Variants in SSBP2 observed in about 807,000 individuals in gnomAD.
SSBP2 encodes the protein single-stranded DNA-binding protein 2.
A neutral mutation model predicts 61.8 loss-of-function variants in SSBP2; 17 were observed. The ratio of observed to expected loss-of-function variants is 0.28; its 90% CI spans 0.19 to 0.41. The LOEUF (loss-of-function observed/expected upper bound fraction) is 0.41, where lower values mean the gene tolerates loss of function less well. SSBP2 is among the 10% of genes least tolerant of loss of function. The pLI, the probability that SSBP2 is intolerant of heterozygous loss-of-function variation, is 1.00. For missense variants in SSBP2, 310 were observed against 458.7 expected, an observed-to-expected ratio of 0.68 and a Z score of 2.96; for synonymous variants, 139 against 141.3, an observed-to-expected ratio of 0.98 and a Z score of 0.12.
intron 4 of SSBP2, among the ~76,000 whole-genome samples, chr5:81,597,846 C>T (rs1279760809): frequency 2.7e-5 from 3 of 112,638 alleles, no homozygotes; most frequent in African/African-American, 3.6e-5. Flanking sequence ...CATCACAAAC[C>T]AGGGACTGTT....
chr5:81,740,943 A>G (rs192956957), intron 1 of SSBP2, among the ~76,000 whole-genome samples: 82 of 152,238 alleles, frequency 5.4e-4, no homozygotes, highest in Middle Eastern at 6.8e-3. Flanking sequence ...TCCCACCCCA[A>G]CTAAAAATGA....
chr5:81,437,739 T>G (rs1762761864), intron 14 of SSBP2: 1 of 225,814 alleles, frequency 4.4e-6, no homozygotes, highest in Non-Finnish European at 8.7e-6. Context: ...TGTGAAATTT[T>G]AGAAAGACCA....
chr5:81,635,050 C>T (rs1748075172), intron 3 of SSBP2, among the ~76,000 whole-genome samples: 2 of 152,158 alleles, frequency 1.3e-5, no homozygotes, highest in African/African-American at 4.8e-5. Flanking sequence ...TAGTATCTGG[C>T]CCATACAAGA....
rs187364075 is a variant in SSBP2, at chr5:81,715,079, G to A, written c.62+35902C>T. Among the ~76,000 whole-genome samples the A allele has an allele frequency of 3.4e-3, 521 of 151,866 alleles. 2 individuals are homozygous for A. Among genetic ancestry groups the A allele is most frequent in the Middle Eastern group, 6.8e-3 (2 of 294 alleles). The stretch of plus-strand genomic sequence containing the variant: ...TAAGAGAAAAGATAATAATTAGAGG[G>A]GCAATCCATATTCCTACTACATCAA... On this transcript the variant is annotated intron_variant, in intron 1 of 16. Coordinates refer to ENST00000320672, the MANE Select transcript of SSBP2 (RefSeq NM_012446.5).
At chr5:81,425,134 T>C (rs1265528326) in intron 16 of SSBP2, among the ~76,000 whole-genome samples, 1 of 152,238 alleles carries the variant, frequency 6.6e-6, no homozygotes, top group Non-Finnish European at 1.5e-5. Context: ...TATGAACTTG[T>C]GATTTTTTCC....
intron 16 of SSBP2, among the ~76,000 whole-genome samples, chr5:81,426,470 T>C (rs1340074819): frequency 6.6e-6 from 1 of 152,202 alleles, no homozygotes; most frequent in East Asian, 1.9e-4. Flanking sequence ...AACTTCTGTT[T>C]GCTGTTAACT....
chr5:81,721,632 G>A (rs1349162772), intron 1 of SSBP2, among the ~76,000 whole-genome samples: 1 of 151,948 alleles, frequency 6.6e-6, no homozygotes, highest in African/African-American at 2.4e-5. Flanking sequence ...ACAAAAACTA[G>A]GCAGCCATGA....
chr5:81,682,381 T>C (rs1291359249), intron 1 of SSBP2, among the ~76,000 whole-genome samples: 1 of 152,114 alleles, frequency 6.6e-6, no homozygotes, highest in Non-Finnish European at 1.5e-5. Context: ...TGGTTCAACA[T>C]TCAAAAATCA....
At chr5:81,594,472 C>T (rs1171125166) in intron 4 of SSBP2, among the ~76,000 whole-genome samples, 2 of 152,178 alleles carry the variant, frequency 1.3e-5, no homozygotes, top group African/African-American at 4.8e-5. Flanking sequence ...GAATTGAACT[C>T]ACCTCTGCAC....
At chr5:81,541,355 T>C (rs890588486) in intron 4 of SSBP2, among the ~76,000 whole-genome samples, 6 of 152,160 alleles carry the variant, frequency 3.9e-5, no homozygotes, top group African/African-American at 1.2e-4. Context: ...TAAGGCACTC[T>C]ATAGATTCAA....
chr5:81,425,820 T>G (rs1329756011), intron 16 of SSBP2, among the ~76,000 whole-genome samples: 1 of 152,190 alleles, frequency 6.6e-6, no homozygotes, highest in East Asian at 1.9e-4. Flanking sequence ...GGGCTGGGCA[T>G]TTTTGTTTCT....
chr5:81,691,571 A>C (rs1753203023), intron 1 of SSBP2, among the ~76,000 whole-genome samples: 1 of 151,984 alleles, frequency 6.6e-6, no homozygotes, highest in Non-Finnish European at 1.5e-5. Context: ...AATAAAAAAA[A>C]AAACTCCCAG....
chr5:81,583,498 C>T (rs1404994916), intron 4 of SSBP2, among the ~76,000 whole-genome samples: 2 of 151,992 alleles, frequency 1.3e-5, no homozygotes, highest in East Asian at 3.9e-4. Context: ...GGCATGGTGG[C>T]AGGCGCCTGT....
intron 2 of SSBP2, among the ~76,000 whole-genome samples, chr5:81,639,654 TGCCTTAGTTTTTTTA>T (rs1351610191): frequency 2.0e-5 from 3 of 151,816 alleles, no homozygotes; most frequent in African/African-American, 7.3e-5. Context: ...CATAAGTATA[TGCCTTAGTTTTTTTA>T]GCTTAAATCA....
At chr5:81,463,896 G>T (rs1288117287) in intron 9 of SSBP2, among the ~76,000 whole-genome samples, 1 of 149,064 alleles carries the variant, frequency 6.7e-6, no homozygotes, top group Non-Finnish European at 1.5e-5. Flanking sequence ...AGTCTCTCAA[G>T]AAGCTGGGAT....
intron 1 of SSBP2, among the ~76,000 whole-genome samples, chr5:81,725,594 TACAG>T (rs1315303529): frequency 2.6e-5 from 4 of 152,278 alleles, no homozygotes; most frequent in East Asian, 3.9e-4. Context: ...AGCAGAATAT[TACAG>T]ACAAACTAGG....
At chr5:81,430,244 T>G (rs1762203087) in intron 15 of SSBP2, among the ~76,000 whole-genome samples, 2 of 152,182 alleles carry the variant, frequency 1.3e-5, no homozygotes, top group Admixed American at 1.3e-4. Flanking sequence ...TACTTATAAT[T>G]TATAAATTCT....
At chr5:81,629,472 G>A (rs916336890) in intron 3 of SSBP2, among the ~76,000 whole-genome samples, 1 of 152,116 alleles carries the variant, frequency 6.6e-6, no homozygotes, top group Admixed American at 6.5e-5. Flanking sequence ...ACCTATAGAT[G>A]AACTGGTCCA....
At chr5:81,703,177 T>C (rs760596005) in intron 1 of SSBP2, among the ~76,000 whole-genome samples, 1 of 152,354 alleles carries the variant, frequency 6.6e-6, no homozygotes. Flanking sequence ...AGTGTTTACA[T>C]AGCCTTTTCT....
Sources: allele counts gnomAD v4.1 joint callset (sites outside exome capture counted in the v4.1 genomes callset), GRCh38; gene constraint gnomAD v4.1.1; transcripts MANE v1.5; gene names NCBI Gene and HGNC (gene_info 2026-07-23, HGNC 2026-07-21).